Variants in CDH18 observed in about 807,000 individuals in gnomAD.
The protein encoded by CDH18 is cadherin-18.
Under a neutral mutation model 67.9 loss-of-function variants are expected in CDH18, and 31 were observed. The observed-to-expected ratio is 0.46, with a 90% CI of 0.34 to 0.62. The LOEUF is 0.62. Ranked by LOEUF, CDH18 falls within the 20% of genes least tolerant of loss-of-function variation. The probability of loss-of-function intolerance (pLI) is 0.01; values close to 1 mark genes in which losing one functional copy is unlikely to be tolerated. For synonymous variants in CDH18, 362 were observed against 347.2 expected (o/e 1.04, Z -0.48); for missense variants, 890 against 975.5 (o/e 0.91, Z 1.17).
intron 3 of CDH18, among the ~76,000 whole-genome samples, chr5:19,789,469 C>T (rs564949252): frequency 9.2e-5 from 14 of 151,968 alleles, no homozygotes; most frequent in South Asian, 2.1e-4. Flanking sequence ...TTCCATGTTC[C>T]GCAGCCATTA....
chr5:20,202,451 C>G (rs1739524438), intron 2 of CDH18, among the ~76,000 whole-genome samples: 2 of 152,092 alleles, frequency 1.3e-5, no homozygotes, highest in South Asian at 4.2e-4. Flanking sequence ...TTTATATACA[C>G]TTCCATATTT....
chr5:20,197,551 G>T (rs1739079334), intron 2 of CDH18, among the ~76,000 whole-genome samples: 1 of 152,118 alleles, frequency 6.6e-6, no homozygotes, highest in South Asian at 2.1e-4. Context: ...GGAAGAAACA[G>T]AAAGTTTCCT....
At chr5:19,645,527 G>A (rs1754617900) in intron 5 of CDH18, among the ~76,000 whole-genome samples, 1 of 152,208 alleles carries the variant, frequency 6.6e-6, no homozygotes, top group Non-Finnish European at 1.5e-5. Context: ...TGGGTGGTTC[G>A]TGGTAGTGGA....
chr5:20,352,747 G>A (rs1381478812), intron 1 of CDH18, among the ~76,000 whole-genome samples: 1 of 151,886 alleles, frequency 6.6e-6, no homozygotes, highest in Non-Finnish European at 1.5e-5. Flanking sequence ...GAGCCAAGAT[G>A]GCGCCACTGC....
rs554633025 is a variant in CDH18 at position 19,890,283 on chromosome 5, C to T, written c.-256-51041G>A. Among the ~76,000 whole-genome samples, 4 of 152,124 alleles carry T rather than the reference C, an allele frequency of 2.6e-5. 1 individual carries two copies. The South Asian group carries it at 8.3e-4, about 32-fold the overall frequency. On this transcript the variant is annotated intron_variant, in intron 2 of 12. Transcript: ENST00000382275. The stretch of plus-strand genomic sequence containing the variant: ...GACTGTCACATCTCTCTCTGTTTTA[C>T]CAACACTTGTGATTACTTCGGGCCC...
At chr5:19,596,966 T>A (rs1239999975) in intron 6 of CDH18, among the ~76,000 whole-genome samples, 1 of 152,224 alleles carries the variant, frequency 6.6e-6, no homozygotes, top group African/African-American at 2.4e-5. Flanking sequence ...GAGTAATCAT[T>A]TCCTCTTGAA....
intron 2 of CDH18, among the ~76,000 whole-genome samples, chr5:19,844,104 G>A (rs929653309): frequency 6.6e-6 from 1 of 152,124 alleles, no homozygotes; most frequent in African/African-American, 2.4e-5. Flanking sequence ...GGACATTTGA[G>A]TTAATTCTGG....
intron 2 of CDH18, among the ~76,000 whole-genome samples, chr5:19,877,396 C>G (rs1787147313): frequency 6.6e-6 from 1 of 151,572 alleles, no homozygotes; most frequent in Non-Finnish European, 1.5e-5. Context: ...TTTTTCCTAA[C>G]AAGAAAAATG....
At chr5:20,495,647 A>C (rs1296526714) in intron 1 of CDH18, among the ~76,000 whole-genome samples, 1 of 152,184 alleles carries the variant, frequency 6.6e-6, no homozygotes, top group African/African-American at 2.4e-5. Flanking sequence ...ACAACCAGGA[A>C]ACAAGAAAGA....
At chr5:20,379,552 CAGTT>C (rs1163323499) in intron 1 of CDH18, among the ~76,000 whole-genome samples, 3 of 151,940 alleles carry the variant, frequency 2.0e-5, no homozygotes, top group Non-Finnish European at 4.4e-5. Context: ...AATATATACT[CAGTT>C]AATTATATCT....
At chr5:19,970,095 G>A (rs939954350) in intron 2 of CDH18, among the ~76,000 whole-genome samples, 1 of 151,778 alleles carries the variant, frequency 6.6e-6, no homozygotes, top group African/African-American at 2.4e-5. Flanking sequence ...AGCTGAACAG[G>A]GGAGTGAGAA....
chr5:19,589,411 G>GA (rs1191990653), intron 7 of CDH18, among the ~76,000 whole-genome samples: 1 of 151,930 alleles, frequency 6.6e-6, no homozygotes, highest in African/African-American at 2.4e-5. Context: ...TAATCTTTTA[G>GA]AAAAAATTAA....
intron 1 of CDH18, among the ~76,000 whole-genome samples, chr5:20,525,124 T>G (rs1755970074): frequency 6.6e-6 from 1 of 152,324 alleles, no homozygotes; most frequent in South Asian, 2.1e-4. Context: ...TAAGACATTC[T>G]GTAGCTTTAA....
At chr5:20,325,506 A>G (rs1738480600) in intron 1 of CDH18, among the ~76,000 whole-genome samples, 1 of 151,986 alleles carries the variant, frequency 6.6e-6, no homozygotes, top group African/African-American at 2.4e-5. Flanking sequence ...TCTACCTCCA[A>G]CTTCATCCAC....
chr5:19,547,048 G>A (rs1736453717), intron 8 of CDH18, among the ~76,000 whole-genome samples: 1 of 152,102 alleles, frequency 6.6e-6, no homozygotes, highest in Non-Finnish European at 1.5e-5. Context: ...TGTCACTGGG[G>A]TTCCCAAAGC....
chr5:19,996,680 T>C (rs1340064052), intron 2 of CDH18, among the ~76,000 whole-genome samples: 1 of 152,006 alleles, frequency 6.6e-6, no homozygotes, highest in Non-Finnish European at 1.5e-5. Context: ...ACTAGAATGT[T>C]TATTGATCAT....
chr5:19,616,862 C>T (rs1411102335), intron 5 of CDH18, among the ~76,000 whole-genome samples: 2 of 152,090 alleles, frequency 1.3e-5, no homozygotes. Context: ...AGATGGCCAC[C>T]GTCTTACCAT....
At chr5:19,925,111 A>C (rs1792943438) in intron 2 of CDH18, among the ~76,000 whole-genome samples, 1 of 152,184 alleles carries the variant, frequency 6.6e-6, no homozygotes, top group East Asian at 1.9e-4. Context: ...TAGCTAAGAA[A>C]AATGTTAAGA....
At chr5:20,256,959 A>ATCTATCTATCTATCTATCTG (rs369248095) in intron 1 of CDH18, among the ~76,000 whole-genome samples, 6,847 of 125,258 alleles carry the variant, frequency 0.055, 277 homozygotes, top group African/African-American at 0.1. Context: ...CTATCTATCT[A>ATCTATCTATCTATCTATCTG]TCTAATCTAT....
Sources: gnomAD v4.1 joint callset for allele counts (sites outside exome capture counted in the v4.1 genomes callset) on GRCh38, gnomAD v4.1.1 for gene constraint, MANE v1.5 for transcripts, NCBI Gene and HGNC (gene_info 2026-07-23, HGNC 2026-07-21) for gene names.